NDEL1: variants seen among roughly 807,000 people sequenced by gnomAD.
NDEL1 encodes nuclear distribution protein nudE-like 1.
In NDEL1, 9 loss-of-function variants were observed where a neutral mutation model predicts 45.7. That is an observed-to-expected ratio of 0.20 (90% CI 0.12 to 0.34). The LOEUF (loss-of-function observed/expected upper bound fraction) is 0.34. Ranked by LOEUF, NDEL1 falls within the 10% of genes least tolerant of loss-of-function variation. NDEL1 has a pLI of 1.00. For missense variants in NDEL1, 306 were observed against 406.2 expected (o/e 0.75, Z 2.12); for synonymous variants, 133 against 158.6 (o/e 0.84, Z 1.21).
intron 7 of NDEL1, among the ~76,000 whole-genome samples, chr17:8,458,884 A>C (rs2151735100): frequency 6.6e-6 from 1 of 152,078 alleles, no homozygotes; most frequent in African/African-American, 2.4e-5. Context: ...ATGCCACCAC[A>C]CCCAGCTAAT....
At chr17:8,427,221 C>T (rs1013759818) in intron 1 of NDEL1, among the ~76,000 whole-genome samples, 4 of 152,142 alleles carry the variant, frequency 2.6e-5, no homozygotes, top group Admixed American at 1.3e-4. Context: ...TTTGAGTGGT[C>T]GGTGAGCTCT....
intron 1 of NDEL1, among the ~76,000 whole-genome samples, chr17:8,414,450 G>A (rs1453691474): frequency 6.6e-6 from 1 of 152,156 alleles, no homozygotes; most frequent in Non-Finnish European, 1.5e-5. Flanking sequence ...GGCGGATCAT[G>A]AGGTCAGGAT....
At chr17:8,447,964 T>C (rs1279905564) in intron 4 of NDEL1, among the ~76,000 whole-genome samples, 1 of 79,592 alleles carries the variant, frequency 1.3e-5, no homozygotes, top group Admixed American at 1.3e-4. Context: ...GCAGCCAGAT[T>C]GGTTGCGGGG....
At chr17:8,424,277 C>T (rs932377434) in intron 1 of NDEL1, among the ~76,000 whole-genome samples, 3 of 152,234 alleles carry the variant, frequency 2.0e-5, no homozygotes, top group Non-Finnish European at 4.4e-5. Context: ...TCTTCTGTAA[C>T]GTTGTTACCA....
intron 1 of NDEL1, among the ~76,000 whole-genome samples, chr17:8,428,379 T>TG: frequency 6.8e-6 from 1 of 147,162 alleles, no homozygotes; most frequent in South Asian, 2.2e-4. Flanking sequence ...TTTTTTTTTT[T>TG]TCCGAGACAG....
chr17:8,438,990 G>A (rs2151707602), intron 1 of NDEL1, among the ~76,000 whole-genome samples: 1 of 149,846 alleles, frequency 6.7e-6, no homozygotes, highest in East Asian at 2.0e-4. Flanking sequence ...AGGCTGGAGT[G>A]GAGTGCGGTC....
chr17:8,428,165 A>G (rs1403479236), intron 1 of NDEL1, among the ~76,000 whole-genome samples: 1 of 151,914 alleles, frequency 6.6e-6, no homozygotes, highest in Non-Finnish European at 1.5e-5. Context: ...AGCTAATTAT[A>G]TTGGGTAGGG....
chr17:8,464,143 ACATTTT>A, intron 8 of NDEL1: 1 of 152,352 alleles, frequency 6.6e-6, no homozygotes. Flanking sequence ...TCTTCCACTG[ACATTTT>A]ACAACTGACC....
rs111521692 is a variant in NDEL1 at position 8,417,340 on chromosome 17, T to A, written c.-13+4071T>A. ...ACCTTGGCCTCCCAAAGTGCTGGGA[T>A]TACAGGCATGAGCCACTGTGCGCAG... On this transcript the variant is annotated intron_variant, in intron 1 of 4. Coordinates refer to the NDEL1 transcript ENST00000582812. 3.5e-3 allele frequency among the ~76,000 whole-genome samples: 539 copies of A among 152,314 alleles called. 2 individuals carry two copies. Among genetic ancestry groups the A allele is most frequent in the Non-Finnish European group, 5.5e-3 (371 of 68,016 alleles).
intron 5 of NDEL1, 52 bp from the exon 6 acceptor site, chr17:8,450,728 A>G (rs887083074): frequency 8.1e-6 from 12 of 1,485,844 alleles, no homozygotes; most frequent in African/African-American, 7.3e-5. Context: ...TTTGCTTGAT[A>G]TATTTGCTCC....
intron 7 of NDEL1, among the ~76,000 whole-genome samples, chr17:8,456,646 A>G (rs1374434697): frequency 6.6e-6 from 1 of 151,908 alleles, no homozygotes; most frequent in African/African-American, 2.4e-5. Flanking sequence ...TTACAGGCAC[A>G]TGCCACCACA....
At chr17:8,451,554 G>A (rs1597544482) in intron 6 of NDEL1, among the ~76,000 whole-genome samples, 1 of 152,152 alleles carries the variant, frequency 6.6e-6, no homozygotes, top group Admixed American at 6.5e-5. Context: ...TGCTTCAGGA[G>A]CTGCCATTTT....
At chr17:8,418,181 G>C (rs928134408) in intron 1 of NDEL1, among the ~76,000 whole-genome samples, 74 of 152,228 alleles carry the variant, frequency 4.9e-4, no homozygotes, top group African/African-American at 1.7e-3. Context: ...GTCCACTGTT[G>C]TTTCCTTTCC....
chr17:8,435,453 G>A (rs984408959), upstream of NDEL1, among the ~76,000 whole-genome samples: 9 of 152,248 alleles, frequency 5.9e-5, no homozygotes, highest in African/African-American at 2.2e-4. Flanking sequence ...AAACAACACA[G>A]AGCTTTGTGA....
At chr17:8,429,865 G>A (rs1429231851) in intron 1 of NDEL1, among the ~76,000 whole-genome samples, 1 of 152,164 alleles carries the variant, frequency 6.6e-6, no homozygotes, top group South Asian at 2.1e-4. Context: ...GTGGACTGCT[G>A]GGCTGAAACA....
At chr17:8,432,867 C>A (rs1480833672), upstream of NDEL1, among the ~76,000 whole-genome samples, 1 of 152,072 alleles carries the variant, frequency 6.6e-6, no homozygotes, top group African/African-American at 2.4e-5. Flanking sequence ...GGGCATTTTT[C>A]CACTAAAGCT....
intron 1 of NDEL1, among the ~76,000 whole-genome samples, chr17:8,430,179 A>G (rs1908963958): frequency 6.6e-6 from 1 of 152,184 alleles, no homozygotes; most frequent in Non-Finnish European, 1.5e-5. Flanking sequence ...GGGTTTCGGC[A>G]TGTAGAGCTG....
At chr17:8,419,269 A>G (rs1400988361) in intron 1 of NDEL1, among the ~76,000 whole-genome samples, 2 of 152,188 alleles carry the variant, frequency 1.3e-5, no homozygotes, top group Admixed American at 6.5e-5. Flanking sequence ...AGTAACGTGT[A>G]TTTGCTATAG....
In NDEL1 at chr17:8,465,356, A is replaced by G. The variant is rs1302599344; in HGVS notation, c.945-1574A>G. 6.6e-6 allele frequency: 1 copy of G among 152,248 alleles called. No individual in the cohort carries two copies. Among genetic ancestry groups the G allele is most frequent in the African/African-American group, 2.4e-5 (1 of 41,462 alleles). 9.4% of individuals were successfully genotyped at this position (152,248 alleles called of 1,614,324 possible). A position where few individuals can be genotyped will look rare whatever the true frequency, so the allele number is the denominator to read the frequency against. ...AAATCAGACCTAACCCAGTGAGGAA[A>G]GAGACAATCTGGCTGTTTGTCGTCG... On this transcript the variant is annotated intron_variant, in intron 8 of 8. Coordinates refer to ENST00000334527, the MANE Select transcript of NDEL1 (RefSeq NM_030808.5). The surrounding 1 kb of genome is among the most constrained non-coding windows in gnomAD (Gnocchi z 4.9).
Sources: gnomAD v4.1 joint callset for allele counts (sites outside exome capture counted in the v4.1 genomes callset) on GRCh38, gnomAD v4.1.1 for gene constraint, Gnocchi (gnomAD v3.1) non-coding constraint, MANE v1.5 for transcripts, NCBI Gene and HGNC (gene_info 2026-07-23, HGNC 2026-07-21) for gene names.